CDH4: variants seen among roughly 807,000 people sequenced by gnomAD.
The protein encoded by CDH4 is cadherin 4.
In CDH4, 33 loss-of-function variants were observed where a neutral mutation model predicts 86.0. That is an observed-to-expected ratio of 0.38 (90% CI 0.29 to 0.51). CDH4 has a LOEUF of 0.51. Ranked by LOEUF, CDH4 falls within the 20% of genes least tolerant of loss-of-function variation. CDH4 has a pLI of 0.86. For synonymous variants in CDH4, 555 were observed against 549.4 expected (o/e 1.01, Z -0.14); for missense variants, 1,114 against 1,307.4 (o/e 0.85, Z 2.28).
chr20:61,910,708 G>GC lies in CDH4; in HGVS notation c.1374+107dup, dbSNP rs563027726. 1.0e-3 allele frequency: 1,123 copies of GC among 1,112,116 alleles called. 1 individual carries two copies. The highest frequency in any genetic ancestry group is 2.0e-3 in the Admixed American group (96 of 48,882). The allele number at this position is 1,112,116 out of a possible 1,614,324, so 68.9% of individuals were successfully genotyped here. Reference sequence around the variant, plus strand: ...GAGTGATACTCGGTGTAAAGTTACTGCCCCCCTAATATCCAAGGGTAGAGG... The same window carrying GC: ...GAGTGATACTCGGTGTAAAGTTACTGCCCCCCCTAATATCCAAGGGTAGAGG... On this transcript the variant is annotated intron_variant, in intron 9 of 15. Coordinates refer to ENST00000614565, the MANE Select transcript of CDH4 (RefSeq NM_001794.5).
At chr20:61,677,648 G>GGTA (rs1325956853) in intron 2 of CDH4, among the ~76,000 whole-genome samples, 7 of 105,978 alleles carry the variant, frequency 6.6e-5, no homozygotes, top group Admixed American at 9.0e-5. Context: ...AGGATAAGTG[G>GGTA]GTAGGTAGGT....
intron 2 of CDH4, among the ~76,000 whole-genome samples, chr20:61,679,517 T>A (rs945478368): frequency 2.6e-5 from 4 of 152,156 alleles, no homozygotes; most frequent in Non-Finnish European, 5.9e-5. Context: ...AGAATGGCAC[T>A]CCAGTTCCAG....
At chr20:61,432,318 A>G (rs2085251917) in intron 2 of CDH4, among the ~76,000 whole-genome samples, 1 of 152,166 alleles carries the variant, frequency 6.6e-6, no homozygotes, top group African/African-American at 2.4e-5. Flanking sequence ...TCTTTAAATT[A>G]TGGCCATTCT....
intron 3 of CDH4, among the ~76,000 whole-genome samples, chr20:61,766,627 T>A (rs2088701455): frequency 6.6e-6 from 1 of 152,136 alleles, no homozygotes; most frequent in Non-Finnish European, 1.5e-5. Context: ...AATCCTGACT[T>A]GAGCAGTGGA....
intron 2 of CDH4, among the ~76,000 whole-genome samples, chr20:61,659,886 C>T (rs2087234299): frequency 6.6e-6 from 1 of 152,240 alleles, no homozygotes; most frequent in African/African-American, 2.4e-5. Context: ...GAAGCAGCTC[C>T]ACCTTCTCCT....
At chr20:61,424,979 C>T (rs948812183) in intron 2 of CDH4, among the ~76,000 whole-genome samples, 2 of 152,248 alleles carry the variant, frequency 1.3e-5, no homozygotes, top group African/African-American at 4.8e-5. Flanking sequence ...CTTTGTGGGC[C>T]TCACGCAGAG....
At chr20:61,773,239 C>T in intron 4 of CDH4, 57 bp downstream of exon 4, 1 of 1,440,618 alleles carries the variant, frequency 6.9e-7, no homozygotes, top group Non-Finnish European at 9.2e-7. Flanking sequence ...GTAGGCTCTT[C>T]TCCCGACATC....
At chr20:61,265,338 T>C (rs1226382720) in intron 2 of CDH4, among the ~76,000 whole-genome samples, 2 of 149,404 alleles carry the variant, frequency 1.3e-5, no homozygotes, top group Non-Finnish European at 2.9e-5. Flanking sequence ...CATTCAGTCC[T>C]ACACATATCT....
At chr20:61,789,210 TG>T (rs1305967906) in intron 4 of CDH4, among the ~76,000 whole-genome samples, 1 of 152,230 alleles carries the variant, frequency 6.6e-6, no homozygotes, top group African/African-American at 2.4e-5. Flanking sequence ...CGGATGCATC[TG>T]CACCTGAGCT....
intron 3 of CDH4, among the ~76,000 whole-genome samples, chr20:61,760,391 T>C (rs537983223): frequency 4.4e-4 from 67 of 151,430 alleles, no homozygotes; most frequent in Non-Finnish European, 8.4e-4. Context: ...GGGAGAGGGG[T>C]CCCAGGACTG....
chr20:61,851,743 T>C lies in CDH4; in HGVS notation c.733-1011T>C, dbSNP rs544125542. 6.6e-5 allele frequency among the ~76,000 whole-genome samples: 10 copies of C among 152,288 alleles called. 1 individual carries two copies. The highest frequency in any genetic ancestry group is 5.9e-4 in the Admixed American group (9 of 15,306). On this transcript the variant is annotated intron_variant, in intron 5 of 15. Coordinates refer to ENST00000614565, the MANE Select transcript of CDH4 (RefSeq NM_001794.5). ...CTGCCGGCAGCGCCCAGCCTCTCTG[T>C]GTCCTCTGCCTTGGCCTGTTCTTGA...
At chr20:61,524,386 A>G (rs938203097) in intron 2 of CDH4, among the ~76,000 whole-genome samples, 3 of 152,120 alleles carry the variant, frequency 2.0e-5, no homozygotes, top group Non-Finnish European at 4.4e-5. Context: ...TCCCGCATTC[A>G]ACCGTGGGCT....
chr20:61,402,604 C>T (rs1003304616), intron 2 of CDH4, among the ~76,000 whole-genome samples: 2 of 152,106 alleles, frequency 1.3e-5, no homozygotes, highest in South Asian at 4.2e-4. Flanking sequence ...TTGGCCAGGC[C>T]GGTCTCAAAC....
chr20:61,680,715 G>T (rs2087502413), intron 2 of CDH4, among the ~76,000 whole-genome samples: 1 of 152,138 alleles, frequency 6.6e-6, no homozygotes, highest in Admixed American at 6.5e-5. Context: ...GGCTGTTTCT[G>T]GGATCGTGGT....
intron 2 of CDH4, among the ~76,000 whole-genome samples, chr20:61,413,862 C>A (rs1383961381): frequency 6.6e-6 from 1 of 152,188 alleles, no homozygotes; most frequent in Non-Finnish European, 1.5e-5. Context: ...CTATCTCCAT[C>A]GTGACAAAGA....
chr20:61,933,330 C>A (rs1330022799), intron 14 of CDH4, among the ~76,000 whole-genome samples: 1 of 152,256 alleles, frequency 6.6e-6, no homozygotes, highest in Non-Finnish European at 1.5e-5. Context: ...CCTGGGACCC[C>A]TCCCATCCTC....
rs562970713 is a variant in CDH4 at position 61,320,419 on chromosome 20, G to C, written c.169+65482G>C. ...GAGCACCAACCACAAAACCATGCAG[G>C]TGTGGGTGAGACTGGAGTGTCGGTG... On this transcript the variant is annotated intron_variant, in intron 2 of 15. Coordinates refer to ENST00000614565, the MANE Select transcript of CDH4 (RefSeq NM_001794.5). Among the ~76,000 whole-genome samples the C allele has an allele frequency of 7.9e-5, 12 of 152,248 alleles. No homozygotes were observed. The South Asian group carries it at 2.5e-3, about 32-fold the overall frequency.
At chr20:61,743,514 C>T (rs1269804346) in intron 2 of CDH4, 49 bp from the exon 3 acceptor site, 4 of 1,447,106 alleles carry the variant, frequency 2.8e-6, no homozygotes, top group Non-Finnish European at 3.8e-6. Context: ...ATTGTTACCG[C>T]CCTTCTGCTG....
intron 2 of CDH4, among the ~76,000 whole-genome samples, chr20:61,288,056 T>C (rs2084302521): frequency 6.6e-6 from 1 of 152,192 alleles, no homozygotes; most frequent in Non-Finnish European, 1.5e-5. Context: ...AGAACAGTTA[T>C]CAGCCTTGGA....
Sources: allele counts gnomAD v4.1 joint callset (sites outside exome capture counted in the v4.1 genomes callset), GRCh38; gene constraint gnomAD v4.1.1; transcripts MANE v1.5; gene names NCBI Gene and HGNC (gene_info 2026-07-23, HGNC 2026-07-21).